SLC22A9: variants seen among roughly 807,000 people sequenced by gnomAD.
SLC22A9 encodes solute carrier family 22 member 9, also known as organic anion transporter 7.
Under a neutral mutation model 50.1 loss-of-function variants are expected in SLC22A9, and 64 were observed. The observed-to-expected ratio is 1.28, with a 90% confidence interval of 1.04 to 1.57. The LOEUF (loss-of-function observed/expected upper bound fraction) is 1.57. Ranked by LOEUF, SLC22A9 falls within the 40% of genes most tolerant of loss-of-function variation. SLC22A9 has a pLI of 0.00. For synonymous variants in SLC22A9, 261 were observed against 242.5 expected (o/e 1.08, Z -0.71); for missense variants, 757 against 676.1 (o/e 1.12, Z -1.33).
chr11:63,403,361 T>G (rs1374007251), intron 6 of SLC22A9, among the ~76,000 whole-genome samples: 1 of 152,030 alleles, frequency 6.6e-6, no homozygotes. Context: ...TAACAAAAAT[T>G]ACTGTATCTT....
At chr11:63,377,820 AAAG>A (rs1291108537) in intron 5 of SLC22A9, among the ~76,000 whole-genome samples, 1 of 152,128 alleles carries the variant, frequency 6.6e-6, no homozygotes, top group Non-Finnish European at 1.5e-5. Context: ...ATAAAGAAAA[AAAG>A]AGAGCGGATT....
intron 9 of SLC22A9, 89 bp downstream of exon 9, chr11:63,408,968 C>G (rs996423922): frequency 2.9e-6 from 4 of 1,369,522 alleles, no homozygotes; most frequent in Admixed American, 1.7e-5. Context: ...GGCCACTGTC[C>G]TCTCAAAAGG....
Position 63,406,479 on chromosome 11 carries a change from C to T in SLC22A9, c.1074-18C>T. 1 of 1,602,944 alleles carries T rather than the reference C, an allele frequency of 6.2e-7. No individual in the cohort carries two copies. The highest frequency in any genetic ancestry group is 8.5e-7 in the Non-Finnish European group (1 of 1,170,314). ...TCCACAGATTATAATATGTTTCTTT[C>T]CTTTTTAATCATCACAGATTTGCAA... is the stretch of plus-strand genomic sequence containing the variant. On this transcript the variant is annotated intron_variant, in intron 6 of 9. Transcript: ENST00000279178.
Position 63,382,425 on chromosome 11 carries a change from TAA to T in SLC22A9, c.1073+151_1073+152del, listed in dbSNP as rs919543324. ...AGAGAATTGCTGTGTTTGAATGTAG[TAA>T]AAGAGTTGTGAAAAGACTGACACGG... On this transcript the variant is annotated intron_variant, in intron 6 of 9. Coordinates refer to ENST00000279178, the MANE Select transcript of SLC22A9 (RefSeq NM_080866.3). The T allele has an allele frequency of 5.0e-6, 3 of 595,292 alleles. No individual in the cohort carries two copies. In the African/African-American group the frequency reaches 5.6e-5, roughly 11 times the overall value. The allele number at this position is 595,292 out of a possible 1,614,324, so 36.9% of individuals were successfully genotyped here.
In SLC22A9 at chr11:63,373,906, C is replaced by T. The variant is rs1168208181; in HGVS notation, c.674C>T (p.Ala225Val). 1.2e-6 allele frequency: 2 copies of T among 1,613,332 alleles called. No individual in the cohort carries two copies. The highest frequency in any genetic ancestry group is 1.7e-5 in the Admixed American group (1 of 59,854). The change falls in exon 4 of 10, where the codon GCA becomes GTA. Residue 225 changes from alanine to valine, a missense_variant. Physicochemically the swap from Ala to Val is moderately conservative, Grantham distance 64. Transcript: ENST00000279178. The stretch of plus-strand genomic sequence containing the variant: ...TTTTTTCTTCCAGTAGCCGAGTGGG[C>T]AACACACAGATTCCAGGCCATGGGA... ...TNTIMLIAEW[A>V]THRFQAMGIT...
intron 6 of SLC22A9, among the ~76,000 whole-genome samples, chr11:63,400,717 A>G (rs1389451748): frequency 1.3e-5 from 2 of 152,170 alleles, no homozygotes; most frequent in African/African-American, 4.8e-5. Context: ...CACAAAAAAG[A>G]AAACATCACT....
rs761809523 is a variant in SLC22A9, at chr11:63,409,802, G to C, written c.1602G>C (p.Glu534Asp). The C allele has an allele frequency of 1.2e-6, 2 of 1,613,390 alleles. No individual in the cohort carries two copies. The highest frequency in any genetic ancestry group is 2.2e-5 in the South Asian group (2 of 91,032). The change falls in exon 10 of 10, where the codon GAG (glutamate) becomes GAC (aspartate). Residue 534 changes from glutamate to aspartate, a missense_variant and splice_region_variant. Physicochemically the swap from Glu to Asp is conservative, Grantham distance 45. Coordinates refer to ENST00000279178, the MANE Select transcript of SLC22A9 (RefSeq NM_080866.3). ...GTTGGTTTCTTTGTATTTGTTCTAG[G>C]AGAAAAGACCCCAGAGAACCAAAGC... ...LFDTIQDEKN[E>D]RKDPREPKQE...
At chr11:63,395,734 T>C (rs1181797149) in intron 6 of SLC22A9, among the ~76,000 whole-genome samples, 1 of 152,094 alleles carries the variant, frequency 6.6e-6, no homozygotes, top group Non-Finnish European at 1.5e-5. Context: ...ACATCAGCTG[T>C]GGAGAGAAAC....
intron 6 of SLC22A9, among the ~76,000 whole-genome samples, chr11:63,394,413 G>A (rs1000452814): frequency 6.6e-6 from 1 of 152,022 alleles, no homozygotes; most frequent in Admixed American, 6.6e-5. Flanking sequence ...TCTTGTAGGG[G>A]TGGCTTAGTA....
At chr11:63,385,106 GTTTTT>G (rs149124193) in intron 6 of SLC22A9, among the ~76,000 whole-genome samples, 3 of 76,530 alleles carry the variant, frequency 3.9e-5, no homozygotes, top group Non-Finnish European at 7.1e-5. Flanking sequence ...TGATGATACA[GTTTTT>G]TTTTTTTTTT....
Position 63,375,785 on chromosome 11 carries a change from C to T in SLC22A9, c.954+17C>T, listed in dbSNP as rs2014451025. On this transcript the variant is annotated intron_variant, in intron 5 of 9. Coordinates refer to ENST00000279178, the MANE Select transcript of SLC22A9 (RefSeq NM_080866.3). ...ACCCTGGAGGTGAGCTGGATGGGAG[C>T]TAGATATGGGATGTAGGGAAGACAT... 6.2e-7 allele frequency: 1 copy of T among 1,609,392 alleles called. No homozygotes were observed. The highest frequency in any genetic ancestry group is 8.5e-7 in the Non-Finnish European group (1 of 1,177,220).
intron 6 of SLC22A9, among the ~76,000 whole-genome samples, chr11:63,394,167 A>G (rs1485132208): frequency 6.6e-6 from 1 of 151,824 alleles, no homozygotes; most frequent in Non-Finnish European, 1.5e-5. Context: ...TATTCTCTAA[A>G]CTGGTTATTC....
chr11:63,407,699 T>G (rs1330772683), intron 7 of SLC22A9, among the ~76,000 whole-genome samples: 1 of 152,200 alleles, frequency 6.6e-6, no homozygotes, highest in South Asian at 2.1e-4. Flanking sequence ...ATACTGTGTA[T>G]GTACCTAGGT....
At chr11:63,391,940 T>A (rs1359535613) in intron 6 of SLC22A9, among the ~76,000 whole-genome samples, 1 of 152,078 alleles carries the variant, frequency 6.6e-6, no homozygotes, top group Non-Finnish European at 1.5e-5. Context: ...ATTGGTGATA[T>A]GTTTTAATCT....
At chr11:63,395,187 C>G (rs1162406010) in intron 6 of SLC22A9, among the ~76,000 whole-genome samples, 2 of 152,146 alleles carry the variant, frequency 1.3e-5, no homozygotes, top group East Asian at 3.9e-4. Flanking sequence ...TTGCCTTTCT[C>G]TGGTGCCTCC....
At chr11:63,379,676 G>A (rs1235103747) in intron 5 of SLC22A9, among the ~76,000 whole-genome samples, 1 of 152,054 alleles carries the variant, frequency 6.6e-6, no homozygotes, top group Non-Finnish European at 1.5e-5. Flanking sequence ...AATTAAAAAA[G>A]AACAGACAGC....
chr11:63,409,051 C>T (rs747900785), intron 9 of SLC22A9, among the ~76,000 whole-genome samples, 172 bp downstream of exon 9: 1 of 152,116 alleles, frequency 6.6e-6, no homozygotes, highest in Non-Finnish European at 1.5e-5. Context: ...CCACAGTGAC[C>T]TCAGACACCC....
rs551370930 is a variant in SLC22A9 at position 63,372,972 on chromosome 11, A to G, written c.507-672A>G. Among the ~76,000 whole-genome samples, 3 of 152,232 alleles carry G rather than the reference A, an allele frequency of 2.0e-5. No individual in the cohort carries two copies. In the South Asian group the frequency reaches 6.2e-4, roughly 32 times the overall value. On this transcript the variant is annotated intron_variant, in intron 2 of 9. Coordinates refer to ENST00000279178, the MANE Select transcript of SLC22A9 (RefSeq NM_080866.3). Reference sequence around the variant, plus strand: ...TACTTTTTCCTTTTAATCTCTTTCTAGCAGTAGCTAAAACCTTTGATACAA... The same window carrying G: ...TACTTTTTCCTTTTAATCTCTTTCTGGCAGTAGCTAAAACCTTTGATACAA...
At chr11:63,370,599 A>G in intron 1 of SLC22A9, 141 bp downstream of exon 1, 1 of 997,368 alleles carries the variant, frequency 1.0e-6, no homozygotes, top group Non-Finnish European at 1.4e-6. Flanking sequence ...CTTCTTTATT[A>G]AATGTCTGAC....
Sources: gnomAD v4.1 joint callset for allele counts (sites outside exome capture counted in the v4.1 genomes callset) on GRCh38, gnomAD v4.1.1 for gene constraint, MANE v1.5 for transcripts, NCBI Gene and HGNC (gene_info 2026-07-23, HGNC 2026-07-21) for gene names.